PSD3: variants seen among roughly 807,000 people sequenced by gnomAD.
PSD3 encodes the protein pleckstrin and Sec7 domain containing 3.
In PSD3, 49 loss-of-function variants were observed where a neutral mutation model predicts 105.5. The observed-to-expected ratio is 0.46, with a 90% confidence interval of 0.37 to 0.59. The LOEUF (loss-of-function observed/expected upper bound fraction) is 0.59, where lower values mean the gene tolerates loss of function less well. Among genes scored for constraint, PSD3 ranks in the 20% least tolerant of loss-of-function variants. The pLI is 0.00. For synonymous variants in PSD3, 557 were observed against 457.8 expected, an observed-to-expected ratio of 1.22 and a Z score of -2.77; for missense variants, 1,561 against 1,263.8, an observed-to-expected ratio of 1.24 and a Z score of -3.57.
chr8:19,032,636 C>CA (rs1163183318), intron 1 of PSD3, among the ~76,000 whole-genome samples: 1 of 122,666 alleles, frequency 8.2e-6, no homozygotes, highest in South Asian at 2.6e-4. Context: ...AGTGACAGAG[C>CA]AAGACTCTGT....
At chr8:18,878,908 T>G (rs964155970) in intron 2 of PSD3, among the ~76,000 whole-genome samples, 1 of 152,122 alleles carries the variant, frequency 6.6e-6, no homozygotes, top group African/African-American at 2.4e-5. Context: ...GAAGCTGTAT[T>G]TATAAACTGC....
At chr8:18,680,043 G>A (rs921212603) in intron 9 of PSD3, among the ~76,000 whole-genome samples, 30 of 152,226 alleles carry the variant, frequency 2.0e-4, no homozygotes, top group African/African-American at 6.5e-4. Context: ...TCATTTAAAC[G>A]GTATCACGTA....
chr8:19,017,553 C>T (rs77758289), upstream of PSD3, among the ~76,000 whole-genome samples: 3 of 152,152 alleles, frequency 2.0e-5, no homozygotes, highest in African/African-American at 4.8e-5. Context: ...CATTGGCGGT[C>T]GCTCCTCTTT....
At chr8:19,033,103 A>G (rs916184479) in intron 1 of PSD3, among the ~76,000 whole-genome samples, 2 of 152,108 alleles carry the variant, frequency 1.3e-5, no homozygotes, top group African/African-American at 4.8e-5. Flanking sequence ...ACAAACAAAC[A>G]AACAAACAAA....
chr8:18,712,482 C>A (rs1174426971), intron 9 of PSD3, among the ~76,000 whole-genome samples: 1 of 152,114 alleles, frequency 6.6e-6, no homozygotes, highest in Non-Finnish European at 1.5e-5. Flanking sequence ...TCAGAGAATA[C>A]CATAAACACC....
At chr8:18,767,379 A>G (rs921370189) in intron 8 of PSD3, among the ~76,000 whole-genome samples, 2 of 152,238 alleles carry the variant, frequency 1.3e-5, no homozygotes, top group Non-Finnish European at 2.9e-5. Flanking sequence ...AGAGGAACGC[A>G]GAGCACAGAG....
At chr8:18,592,682 G>A (rs886844114) in intron 12 of PSD3, among the ~76,000 whole-genome samples, 4 of 151,642 alleles carry the variant, frequency 2.6e-5, no homozygotes, top group South Asian at 2.1e-4. Context: ...TGTTCAAGGT[G>A]CTCAAAAAAA....
intron 12 of PSD3, among the ~76,000 whole-genome samples, chr8:18,577,508 A>G (rs900429271): frequency 4.6e-5 from 7 of 151,936 alleles, no homozygotes; most frequent in Admixed American, 1.3e-4. Context: ...TGCATTTCTG[A>G]TAAGTTTTAT....
At chr8:19,015,172 G>A (rs1041897256), upstream of PSD3, among the ~76,000 whole-genome samples, 5 of 152,142 alleles carry the variant, frequency 3.3e-5, no homozygotes, top group African/African-American at 1.2e-4. Flanking sequence ...TAGTGAATGA[G>A]TCTCACGAGA....
At chr8:19,039,610 G>A (rs1828056793) in intron 1 of PSD3, among the ~76,000 whole-genome samples, 1 of 152,114 alleles carries the variant, frequency 6.6e-6, no homozygotes. Context: ...ACAATATCAT[G>A]TCCCTCCCAA....
intron 11 of PSD3, among the ~76,000 whole-genome samples, chr8:18,625,496 T>C (rs1364298838): frequency 6.6e-6 from 1 of 152,174 alleles, no homozygotes; most frequent in Non-Finnish European, 1.5e-5. Flanking sequence ...ATTCAGTGTT[T>C]AAACAGCACT....
rs565799145 is a variant in PSD3 at position 18,680,745 on chromosome 8, T to C, written c.2173-25060A>G. Among the ~76,000 whole-genome samples, 21 of 152,236 alleles carry C rather than the reference T, an allele frequency of 1.4e-4. No homozygotes were observed. In the South Asian group the frequency reaches 3.9e-3, roughly 29 times the overall value. On this transcript the variant is annotated intron_variant, in intron 9 of 15. Coordinates refer to ENST00000327040, the MANE Select transcript of PSD3 (RefSeq NM_015310.4). ...GAAGGGGGTTTTAAAGAAAATAACA[T>C]CTATAAGCTGAATTTTAGTAGGTTA...
intron 4 of PSD3, among the ~76,000 whole-genome samples, chr8:18,866,983 T>C (rs1451356489): frequency 1.3e-5 from 2 of 151,630 alleles, no homozygotes; most frequent in African/African-American, 4.9e-5. Flanking sequence ...CATGAAGAAA[T>C]GAAACGCTGG....
chr8:18,890,319 G>T (rs1324850118), intron 2 of PSD3, among the ~76,000 whole-genome samples: 1 of 151,950 alleles, frequency 6.6e-6, no homozygotes. Flanking sequence ...GCCAATTTAA[G>T]GCTTATAAAA....
intron 1 of PSD3, among the ~76,000 whole-genome samples, chr8:18,984,946 G>A (rs552163099): frequency 3.3e-5 from 5 of 152,118 alleles, no homozygotes; most frequent in South Asian, 4.2e-4. Flanking sequence ...TTGTTTTGGC[G>A]GTGGGGGGAC....
chr8:18,556,877 C>T (rs1213440258), intron 14 of PSD3, among the ~76,000 whole-genome samples: 2 of 152,230 alleles, frequency 1.3e-5, no homozygotes, highest in Admixed American at 6.5e-5. Flanking sequence ...TATTCTAAAA[C>T]ATGCAGCTAT....
chr8:19,036,982 C>T (rs879381106), intron 1 of PSD3, among the ~76,000 whole-genome samples: 2 of 152,194 alleles, frequency 1.3e-5, no homozygotes, highest in Admixed American at 6.5e-5. Flanking sequence ...GTCTTATTGT[C>T]TTCAGCATCC....
chr8:18,563,017 T>C (rs1172026496), intron 14 of PSD3, among the ~76,000 whole-genome samples: 1 of 152,248 alleles, frequency 6.6e-6, no homozygotes, highest in Non-Finnish European at 1.5e-5. Context: ...AGCACTTAAA[T>C]GTCTACGTCA....
chr8:18,996,497 A>G (rs1424420527), intron 1 of PSD3, among the ~76,000 whole-genome samples: 1 of 152,128 alleles, frequency 6.6e-6, no homozygotes, highest in East Asian at 1.9e-4. Flanking sequence ...TATGTTGAAA[A>G]AAATCAACAG....
Sources: gnomAD v4.1 joint callset for allele counts (sites outside exome capture counted in the v4.1 genomes callset) on GRCh38, gnomAD v4.1.1 for gene constraint, MANE v1.5 for transcripts, NCBI Gene and HGNC (gene_info 2026-07-23, HGNC 2026-07-21) for gene names.